Variants in SEC24B observed in about 807,000 individuals in gnomAD.
The protein encoded by SEC24B is SEC24 homolog B, COPII component, also known as protein transport protein Sec24B.
Under a neutral mutation model 142.8 loss-of-function variants are expected in SEC24B, and 45 were observed. The observed-to-expected ratio is 0.32, with a 90% CI of 0.25 to 0.40. The LOEUF (loss-of-function observed/expected upper bound fraction) is 0.40. Ranked by LOEUF, SEC24B falls within the 10% of genes least tolerant of loss-of-function variation. The pLI is 1.00. For missense variants in SEC24B, 1,409 were observed against 1,526.8 expected (o/e 0.92, Z 1.29); for synonymous variants, 574 against 568.2 (o/e 1.01, Z -0.15).
intron 1 of SEC24B, among the ~76,000 whole-genome samples, chr4:109,455,486 C>T (rs1167767233): frequency 6.6e-6 from 1 of 152,158 alleles, no homozygotes; most frequent in Admixed American, 6.5e-5. Context: ...GGTAATCCGC[C>T]CACCTAGGCC....
rs1297427294 is a variant in SEC24B, at chr4:109,500,201, CAAA to C, written c.1488+5348_1488+5350del. Among the ~76,000 whole-genome samples the C allele has an allele frequency of 2.0e-4, 30 of 152,050 alleles. 1 individual carries two copies. The highest frequency in any genetic ancestry group is 2.0e-3 in the Admixed American group (30 of 15,256). On this transcript the variant is annotated intron_variant, in intron 6 of 23. Coordinates refer to ENST00000265175, the MANE Select transcript of SEC24B (RefSeq NM_006323.5). ...TGTTTTACACTGTTTTTGCAAAAGT[CAAA>C]AAGTTATTTAGATTGGTGCAAAAGT...
At chr4:109,447,385 A>G (rs1277860896) in intron 1 of SEC24B, among the ~76,000 whole-genome samples, 4 of 152,202 alleles carry the variant, frequency 2.6e-5, no homozygotes, top group African/African-American at 9.6e-5. Flanking sequence ...GATCCCCTTC[A>G]GAAGCCTCTA....
Position 109,433,961 on chromosome 4 carries a change from C to T in SEC24B, c.92C>T (p.Pro31Leu). The part of the protein sequence containing the change: ...GGAAVSGAAA[P>L]AGPGAGPAPH... ...GCGGCCGTCTCAGGAGCCGCAGCGC[C>T]CGCGGGCCCGGGTGCGGGCCCGGCG... is the stretch of plus-strand genomic sequence containing the variant. Residue 31 changes from proline (P) to leucine (L), a missense_variant, in exon 1 of 24, where the codon CCC becomes CTC. By Grantham distance (98) the Pro-to-Leu change is moderately conservative. This residue lies in a region of SEC24B where 709 missense variants were observed against 673.5 expected (regional missense o/e 1.05). Coordinates refer to ENST00000265175, the MANE Select transcript of SEC24B (RefSeq NM_006323.5). 8.1e-7 allele frequency: 1 copy of T among 1,233,972 alleles called. No homozygotes were observed. The highest frequency in any genetic ancestry group is 1.0e-6 in the Non-Finnish European group (1 of 990,176). 76.4% of individuals were successfully genotyped at this position (1,233,972 alleles called of 1,614,324 possible).
At chr4:109,453,465 G>T (rs999519521) in intron 1 of SEC24B, among the ~76,000 whole-genome samples, 3 of 71,220 alleles carry the variant, frequency 4.2e-5, no homozygotes, top group African/African-American at 1.6e-4. Flanking sequence ...CCCCCGAATG[G>T]CTGTTAATTA....
Position 109,526,210 on chromosome 4 carries a change from A to G in SEC24B, c.2792-16A>G. On this transcript the variant is annotated splice_polypyrimidine_tract_variant and intron_variant, in intron 16 of 23. Coordinates refer to ENST00000265175, the MANE Select transcript of SEC24B (RefSeq NM_006323.5). ...ACTATTGTTAACTTGATTTTTTATGATTTTCTCCTTTTTAGGTCTTTCAAT... is the reference window on the plus strand; with the variant it reads ...ACTATTGTTAACTTGATTTTTTATGGTTTTCTCCTTTTTAGGTCTTTCAAT... 1 of 1,609,152 alleles carries G rather than the reference A, an allele frequency of 6.2e-7. No individual in the cohort carries two copies. Among genetic ancestry groups the G allele is most frequent in the Non-Finnish European group, 8.5e-7 (1 of 1,178,210 alleles).
Position 109,538,532 on chromosome 4 carries a change from G to A in SEC24B, c.3628G>A (p.Ala1210Thr). The change falls in exon 23 of 24, where the codon GCC (alanine) becomes ACC (threonine). Residue 1210 changes from alanine to threonine, a missense_variant. By Grantham distance (58) the Ala-to-Thr change is moderately conservative. Coordinates refer to ENST00000265175, the MANE Select transcript of SEC24B (RefSeq NM_006323.5). ...PELDTLSSER[A>T]RSFITWLRDS... is the part of the protein sequence containing the mutation. ...GCTAGATACACTTTCATCAGAAAGA[G>A]CCAGATCCTTCATAACTTGGCTTAG... 1 of 1,613,468 alleles carries A rather than the reference G, an allele frequency of 6.2e-7. No individual in the cohort carries two copies. Among genetic ancestry groups the A allele is most frequent in the Non-Finnish European group, 8.5e-7 (1 of 1,179,476 alleles).
At chr4:109,507,823 T>G (rs1736865886) in intron 7 of SEC24B, among the ~76,000 whole-genome samples, 1 of 152,040 alleles carries the variant, frequency 6.6e-6, no homozygotes, top group South Asian at 2.1e-4. Context: ...TTTTGTATTT[T>G]TAGTAGAGAC....
At chr4:109,485,974 G>A (rs1201714399) in intron 4 of SEC24B, among the ~76,000 whole-genome samples, 1 of 152,158 alleles carries the variant, frequency 6.6e-6, no homozygotes, top group Admixed American at 6.5e-5. Context: ...TAAGTGTTGA[G>A]GAAAGTTTGG....
chr4:109,536,934 G>T (rs1160252193), intron 22 of SEC24B, among the ~76,000 whole-genome samples: 1 of 151,534 alleles, frequency 6.6e-6, no homozygotes, highest in Non-Finnish European at 1.5e-5. Context: ...TTTATATTTG[G>T]TAACAATAAA....
At chr4:109,450,656 C>CA (rs945328674) in intron 1 of SEC24B, 5,517 of 63,728 alleles carry the variant, frequency 0.087, 230 homozygotes, top group African/African-American at 0.16. Flanking sequence ...AGACTCATCT[C>CA]AAAAAAAAAA....
intron 2 of SEC24B, among the ~76,000 whole-genome samples, chr4:109,467,854 C>T (rs1732115370): frequency 6.6e-6 from 1 of 152,126 alleles, no homozygotes; most frequent in Non-Finnish European, 1.5e-5. Context: ...TTCTGATGCA[C>T]AGTTTTATAT....
rs566829943 is a variant in SEC24B, at chr4:109,540,036, A to G, written c.*361A>G. ...TAAATTCTTTTTTCTTATAATTAAT[A>G]TAACATTTCTGGACTTGAACTCTGG... On this transcript the variant is annotated 3_prime_UTR_variant, in exon 24 of 24. Coordinates refer to ENST00000265175, the MANE Select transcript of SEC24B (RefSeq NM_006323.5). 1 of 160,730 alleles carries G rather than the reference A, an allele frequency of 6.2e-6. No homozygotes were observed. The highest frequency in any genetic ancestry group is 2.4e-5 in the African/African-American group (1 of 41,826). 10.0% of individuals were successfully genotyped at this position (160,730 alleles called of 1,614,324 possible).
At chr4:109,449,451 T>G in intron 1 of SEC24B, 1 of 450,126 alleles carries the variant, frequency 2.2e-6, no homozygotes, top group South Asian at 1.6e-5. Flanking sequence ...AAGCTAGTCT[T>G]GAACTCCTGG....
chr4:109,433,919 C>T lies in SEC24B; in HGVS notation c.50C>T (p.Pro17Leu). 3 of 1,318,008 alleles carry T rather than the reference C, an allele frequency of 2.3e-6. No homozygotes were observed. The highest frequency in any genetic ancestry group is 1.9e-6 in the Non-Finnish European group (2 of 1,032,472). The allele number at this position is 1,318,008 out of a possible 1,614,324, so 81.6% of individuals were successfully genotyped here. Residue 17 changes from proline to leucine, a missense_variant, in exon 1 of 24, where the codon CCG becomes CTG. By Grantham distance (98) the Pro-to-Leu change is moderately conservative (BLOSUM62 -3). This residue lies in a region of SEC24B where 709 missense variants were observed against 673.5 expected (regional missense o/e 1.05). Transcript: ENST00000265175. ...CACCCGGCCGCCAGCGCCCGGATCC[C>T]GCCCAAGTTCGGCGGAGCGGCCGTC... Reference protein sequence around the residue: ...SSHPAASARIPPKFGGAAVSG... With the variant: ...SSHPAASARILPKFGGAAVSG...
At chr4:109,522,029 C>T (rs544159774) in intron 14 of SEC24B, among the ~76,000 whole-genome samples, 1 of 150,112 alleles carries the variant, frequency 6.7e-6, no homozygotes, top group East Asian at 2.0e-4. Context: ...CTGCGCCCGG[C>T]TGCCTGAGAG....
chr4:109,535,906 T>C (rs1050054273), intron 22 of SEC24B, among the ~76,000 whole-genome samples: 1 of 152,128 alleles, frequency 6.6e-6, no homozygotes. Context: ...AGGATTTTAT[T>C]GAATGTATGC....
chr4:109,502,510 G>A (rs1261263416), intron 6 of SEC24B, among the ~76,000 whole-genome samples: 1 of 152,218 alleles, frequency 6.6e-6, no homozygotes, highest in East Asian at 1.9e-4. Context: ...AAAGTGAATA[G>A]ATAAGAGATA....
At chr4:109,534,893 G>C (rs1393677085) in intron 22 of SEC24B, among the ~76,000 whole-genome samples, 4 of 152,128 alleles carry the variant, frequency 2.6e-5, no homozygotes, top group African/African-American at 9.7e-5. Flanking sequence ...GCCCAGGCTG[G>C]TCTCGAACTA....
At chr4:109,445,957 T>C (rs1729418206) in intron 1 of SEC24B, among the ~76,000 whole-genome samples, 1 of 150,882 alleles carries the variant, frequency 6.6e-6, no homozygotes, top group African/African-American at 2.5e-5. Flanking sequence ...AATTAATTTA[T>C]TCTAAGATGC....
Sources: allele counts gnomAD v4.1 joint callset (sites outside exome capture counted in the v4.1 genomes callset), GRCh38; gene constraint gnomAD v4.1.1; regional missense constraint gnomAD v4.1.1; transcripts MANE v1.5; gene names NCBI Gene and HGNC (gene_info 2026-07-23, HGNC 2026-07-21).